The following ARHGAP24 variants were observed in gnomAD, a reference collection of about 807,000 sequenced individuals.
ARHGAP24 encodes rho GTPase-activating protein 24.
Under a neutral mutation model 76.4 loss-of-function variants are expected in ARHGAP24, and 50 were observed. That is an observed-to-expected ratio of 0.65 (90% CI 0.52 to 0.83). The LOEUF (loss-of-function observed/expected upper bound fraction) is 0.83. ARHGAP24 is among the 40% of genes least tolerant of loss of function. The pLI is 0.00. For synonymous variants in ARHGAP24, 345 were observed against 323.3 expected (o/e 1.07, Z -0.72); for missense variants, 930 against 914.2 (o/e 1.02, Z -0.22).
chr4:85,625,749 G>C (rs564987681), intron 2 of ARHGAP24, among the ~76,000 whole-genome samples: 1 of 152,122 alleles, frequency 6.6e-6, no homozygotes, highest in African/African-American at 2.4e-5. Context: ...ATGAATCTGG[G>C]TGCTCCTGTA....
chr4:85,908,637 T>C (rs1037606481), intron 3 of ARHGAP24, among the ~76,000 whole-genome samples: 2 of 152,132 alleles, frequency 1.3e-5, no homozygotes, highest in Non-Finnish European at 2.9e-5. Flanking sequence ...TAAAGTGTAA[T>C]AATAATGATT....
At chr4:85,740,918 T>G (rs991832874) in intron 3 of ARHGAP24, among the ~76,000 whole-genome samples, 8 of 152,348 alleles carry the variant, frequency 5.3e-5, no homozygotes, top group Middle Eastern at 3.4e-3. Context: ...AAAGCTAACT[T>G]TTTTGAGTAT....
chr4:85,704,465 A>T (rs1578155686), intron 2 of ARHGAP24, among the ~76,000 whole-genome samples: 1 of 152,242 alleles, frequency 6.6e-6, no homozygotes, highest in African/African-American at 2.4e-5. Context: ...GAGGCCATCA[A>T]AAAATAAGAA....
chr4:85,822,574 G>T (rs557620160), intron 3 of ARHGAP24, among the ~76,000 whole-genome samples: 1 of 152,142 alleles, frequency 6.6e-6, no homozygotes, highest in Middle Eastern at 3.2e-3. Context: ...ACCAATATAT[G>T]TTGCTGTTAC....
At chr4:85,815,642 T>C (rs1377904604) in intron 3 of ARHGAP24, among the ~76,000 whole-genome samples, 2 of 152,238 alleles carry the variant, frequency 1.3e-5, no homozygotes, top group African/African-American at 4.8e-5. Context: ...GCTAAAGCCA[T>C]TCAACGAGTC....
intron 3 of ARHGAP24, among the ~76,000 whole-genome samples, chr4:85,872,076 T>C (rs953991782): frequency 5.3e-5 from 8 of 151,824 alleles, no homozygotes; most frequent in African/African-American, 1.9e-4. Flanking sequence ...AAAATATTCG[T>C]GAATTATTTA....
At chr4:85,946,881 C>G (rs1737300845) in intron 5 of ARHGAP24, among the ~76,000 whole-genome samples, 1 of 152,146 alleles carries the variant, frequency 6.6e-6, no homozygotes, top group African/African-American at 2.4e-5. Flanking sequence ...AGTGGTTCAA[C>G]TCTCACTTCC....
rs142721560 is a variant in ARHGAP24 at position 85,687,535 on chromosome 4, T to G, written c.181-34350T>G. 3.7e-4 allele frequency among the ~76,000 whole-genome samples: 56 copies of G among 152,348 alleles called. No homozygotes were observed. The East Asian group carries it at 7.9e-3, about 22-fold the overall frequency. On this transcript the variant is annotated intron_variant, in intron 2 of 9. Coordinates refer to ENST00000395184, the MANE Select transcript of ARHGAP24 (RefSeq NM_001025616.3). The stretch of plus-strand genomic sequence containing the variant: ...GGTATTTGTTTTTTCTCTTCCTGTG[T>G]TAATTCACTCAGGATTATGGACACC...
At chr4:85,736,495 G>C (rs529689269) in intron 3 of ARHGAP24, among the ~76,000 whole-genome samples, 1 of 152,094 alleles carries the variant, frequency 6.6e-6, no homozygotes, top group Non-Finnish European at 1.5e-5. Context: ...GATTCAATTC[G>C]AATCCAAAGT....
chr4:85,856,655 G>C (rs1294610954), intron 3 of ARHGAP24, among the ~76,000 whole-genome samples: 2 of 151,926 alleles, frequency 1.3e-5, no homozygotes, highest in African/African-American at 4.8e-5. Context: ...ATTTTTAGTA[G>C]AGATAGAGTT....
intron 1 of ARHGAP24, among the ~76,000 whole-genome samples, chr4:85,530,855 A>G (rs534713425): frequency 6.6e-6 from 1 of 152,156 alleles, no homozygotes; most frequent in Non-Finnish European, 1.5e-5. Context: ...ATTTTGTTGA[A>G]AGAAATAATT....
intron 3 of ARHGAP24, among the ~76,000 whole-genome samples, chr4:85,765,423 G>A (rs1726894597): frequency 6.6e-6 from 1 of 152,024 alleles, no homozygotes; most frequent in South Asian, 2.1e-4. Flanking sequence ...TAAGCACTAA[G>A]GAAAATGAGT....
intron 3 of ARHGAP24, among the ~76,000 whole-genome samples, chr4:85,829,343 T>C (rs1226261658): frequency 6.6e-6 from 1 of 152,192 alleles, no homozygotes; most frequent in African/African-American, 2.4e-5. Flanking sequence ...ATATTAAAAT[T>C]ATCTGTCCCA....
At chr4:85,505,729 A>G (rs10015995) in intron 1 of ARHGAP24, among the ~76,000 whole-genome samples, 104,543 of 151,746 alleles carry the variant, frequency 0.69, 37,578 homozygotes, top group East Asian at 0.86. Flanking sequence ...AGTTCTATCA[A>G]CTCGTCAAAG....
At chr4:85,627,905 C>T (rs112565239) in intron 2 of ARHGAP24, among the ~76,000 whole-genome samples, 14,271 of 152,144 alleles carry the variant, frequency 0.094, 961 homozygotes, top group East Asian at 0.28. Context: ...CCTGGTGTGC[C>T]GTTTTTTAAG....
intron 2 of ARHGAP24, among the ~76,000 whole-genome samples, chr4:85,638,884 G>T (rs552124862): frequency 6.6e-6 from 1 of 152,190 alleles, no homozygotes; most frequent in Admixed American, 6.5e-5. Context: ...TAATACTCTT[G>T]GTTTACTTCT....
intron 2 of ARHGAP24, among the ~76,000 whole-genome samples, chr4:85,571,938 A>G (rs989269398): frequency 1.3e-5 from 2 of 152,222 alleles, no homozygotes; most frequent in African/African-American, 2.4e-5. Flanking sequence ...TTAGCCCAAG[A>G]CATTGTAAGT....
At chr4:85,579,800 TG>T (rs760425447) in intron 2 of ARHGAP24, among the ~76,000 whole-genome samples, 2 of 152,186 alleles carry the variant, frequency 1.3e-5, no homozygotes, top group Admixed American at 6.6e-5. Context: ...TTTCTTCTTT[TG>T]TTGAAAAATA....
intron 1 of ARHGAP24, among the ~76,000 whole-genome samples, chr4:85,518,454 G>A (rs1203128164): frequency 6.6e-6 from 1 of 151,850 alleles, no homozygotes; most frequent in Non-Finnish European, 1.5e-5. Flanking sequence ...TGAGATTTTG[G>A]TGCACCCATC....
Sources: gnomAD v4.1 joint callset for allele counts (sites outside exome capture counted in the v4.1 genomes callset) on GRCh38, gnomAD v4.1.1 for gene constraint, MANE v1.5 for transcripts, NCBI Gene and HGNC (gene_info 2026-07-23, HGNC 2026-07-21) for gene names.